MGAT4C: variants seen among roughly 807,000 people sequenced by gnomAD.
MGAT4C encodes MGAT4 family member C.
Under a neutral mutation model 40.1 loss-of-function variants are expected in MGAT4C, and 19 were observed. The ratio of observed to expected loss-of-function variants is 0.47; its 90% CI spans 0.33 to 0.70. The LOEUF (loss-of-function observed/expected upper bound fraction) is 0.70, where lower values mean the gene tolerates loss of function less well. MGAT4C is among the 30% of genes least tolerant of loss of function. The pLI, the probability that MGAT4C is intolerant of heterozygous loss-of-function variation, is 0.02. For missense variants in MGAT4C, 491 were observed against 563.2 expected, an observed-to-expected ratio of 0.87 and a Z score of 1.30; for synonymous variants, 181 against 187.1, an observed-to-expected ratio of 0.97 and a Z score of 0.27.
intron 4 of MGAT4C, among the ~76,000 whole-genome samples, chr12:86,323,656 A>C (rs2136164915): frequency 6.6e-6 from 1 of 152,058 alleles, no homozygotes; most frequent in East Asian, 1.9e-4. Context: ...GTAAATACAT[A>C]CATATATATA....
At chr12:86,500,376 G>A (rs569125913) in intron 2 of MGAT4C, among the ~76,000 whole-genome samples, 63 of 151,756 alleles carry the variant, frequency 4.2e-4, no homozygotes, top group African/African-American at 1.4e-3. Flanking sequence ...GCAAACATGA[G>A]AGCATACACT....
At chr12:86,537,742 A>T (rs1959099181) in intron 2 of MGAT4C, among the ~76,000 whole-genome samples, 2 of 152,114 alleles carry the variant, frequency 1.3e-5, no homozygotes, top group South Asian at 4.1e-4. Context: ...TTCTAGAGCC[A>T]TGTACATGAA....
Position 86,011,644 on chromosome 12 carries a change from A to AG in MGAT4C, c.-6-22093dup, listed in dbSNP as rs1321315278. On this transcript the variant is annotated intron_variant, in intron 2 of 4. Transcript: ENST00000611864. ...TCCTAGGTAGTAGGATAGGGCCAATAGGTAGCCATTTAAACTTATATTTTA... is the reference window on the plus strand; with the variant it reads ...TCCTAGGTAGTAGGATAGGGCCAATAGGGTAGCCATTTAAACTTATATTTTA... Among the ~76,000 whole-genome samples, 3 of 152,352 alleles carry AG rather than the reference A, an allele frequency of 2.0e-5. No individual in the cohort carries two copies. The East Asian group carries it at 5.8e-4, about 29-fold the overall frequency.
rs964135199 is a variant in MGAT4C, at chr12:86,266,643, T to A, written c.-57+67422A>T. On this transcript the variant is annotated intron_variant, in intron 4 of 7. Coordinates refer to the MGAT4C transcript ENST00000548651. ...TCTGGTTTTGGTATCAAGGTGATAA[T>A]GGCCTCCTAGAATGAGTTAGAAAAA... 2.6e-5 allele frequency among the ~76,000 whole-genome samples: 4 copies of A among 152,206 alleles called. No homozygotes were observed. In the East Asian group the frequency reaches 7.7e-4, roughly 29 times the overall value.
chr12:86,359,859 G>T (rs564443868), intron 3 of MGAT4C, among the ~76,000 whole-genome samples: 5 of 152,178 alleles, frequency 3.3e-5, no homozygotes, highest in African/African-American at 1.2e-4. Context: ...ACCAAAAAAC[G>T]TCCAGGACCA....
At chr12:86,630,274 CA>C (rs1361778180) in intron 2 of MGAT4C, among the ~76,000 whole-genome samples, 1 of 151,930 alleles carries the variant, frequency 6.6e-6, no homozygotes, top group Non-Finnish European at 1.5e-5. Context: ...GCCTACCAAC[CA>C]AAAAAAGTCC....
chr12:86,307,450 T>G (rs1249244917), intron 4 of MGAT4C, among the ~76,000 whole-genome samples: 1 of 150,378 alleles, frequency 6.6e-6, no homozygotes, highest in Non-Finnish European at 1.5e-5. Context: ...CCATTTAAAG[T>G]GATAATAAGA....
At chr12:86,437,069 G>A (rs1957150082) in intron 2 of MGAT4C, among the ~76,000 whole-genome samples, 3 of 151,488 alleles carry the variant, frequency 2.0e-5, no homozygotes, top group African/African-American at 7.3e-5. Context: ...TAGTGGCAGT[G>A]AGTTAATTTA....
chr12:86,612,777 C>T (rs1273240988), intron 2 of MGAT4C, among the ~76,000 whole-genome samples: 1 of 150,994 alleles, frequency 6.6e-6, no homozygotes, highest in Non-Finnish European at 1.5e-5. Context: ...TGTTACATAC[C>T]GCCCCTGCAC....
chr12:85,989,581 C>A (rs201266110), intron 2 of MGAT4C, 29 bp from the exon 3 acceptor site: 10 of 1,548,768 alleles, frequency 6.5e-6, no homozygotes, highest in Non-Finnish European at 8.7e-6. Context: ...GAATTACTAG[C>A]AGTTGGTTTT....
At chr12:86,545,166 T>C (rs1044910524) in intron 2 of MGAT4C, among the ~76,000 whole-genome samples, 5 of 152,020 alleles carry the variant, frequency 3.3e-5, no homozygotes, top group Admixed American at 6.6e-5. Flanking sequence ...TCTGGCATAT[T>C]AAAATGTAAA....
intron 2 of MGAT4C, among the ~76,000 whole-genome samples, chr12:86,690,534 CAGT>C (rs1224728782): frequency 2.6e-5 from 4 of 152,150 alleles, no homozygotes; most frequent in Non-Finnish European, 4.4e-5. Context: ...CTTCAAGGCA[CAGT>C]CCCTCAAGGG....
At chr12:86,088,205 C>T (rs1477159239) in intron 1 of MGAT4C, among the ~76,000 whole-genome samples, 1 of 151,996 alleles carries the variant, frequency 6.6e-6, no homozygotes, top group Non-Finnish European at 1.5e-5. Flanking sequence ...TTCCTTATAG[C>T]ATATACAGAA....
chr12:86,445,819 G>C (rs1296707398), intron 2 of MGAT4C, among the ~76,000 whole-genome samples: 1 of 152,028 alleles, frequency 6.6e-6, no homozygotes, highest in African/African-American at 2.4e-5. Context: ...ATTTATATAG[G>C]CTGCAAAAAT....
intron 1 of MGAT4C, among the ~76,000 whole-genome samples, chr12:86,168,954 T>C (rs1886493763): frequency 6.6e-6 from 1 of 152,156 alleles, no homozygotes. Flanking sequence ...TGTTCTTGAT[T>C]GTTTGTATCG....
rs575112272 is a variant in MGAT4C, at chr12:86,690,660, G to A, written c.-229+36549C>T. ...GGCTGCAGAAGTCCCAGTGAGATGA[G>A]CCGGGTACCTTAGTTGGAAATGCAG... is the stretch of plus-strand genomic sequence containing the variant. On this transcript the variant is annotated intron_variant, in intron 2 of 7. Transcript: ENST00000548651. 3.3e-5 allele frequency among the ~76,000 whole-genome samples: 5 copies of A among 152,220 alleles called. No individual in the cohort carries two copies. The South Asian group carries it at 1.0e-3, about 32-fold the overall frequency.
intron 1 of MGAT4C, among the ~76,000 whole-genome samples, chr12:86,090,631 A>C (rs2135567946): frequency 6.6e-6 from 1 of 152,028 alleles, no homozygotes; most frequent in Non-Finnish European, 1.5e-5. Context: ...CCAGAGTGAC[A>C]GGTTTAGTTC....
chr12:86,514,105 CACACA>C (rs1208221295), intron 2 of MGAT4C, among the ~76,000 whole-genome samples: 52 of 149,518 alleles, frequency 3.5e-4, no homozygotes, highest in African/African-American at 5.0e-4. Context: ...CACACACACA[CACACA>C]ACCCCGGCTT....
rs899552088 is a variant in MGAT4C at position 85,960,933 on chromosome 12, T to C, written c.*18356A>G. ...ACTACCCTTTACTTAAAATAAATCA[T>C]TGTATTCACATAACTTTCCAGGGCA... On this transcript the variant is annotated 3_prime_UTR_variant, in exon 5 of 5. Coordinates refer to ENST00000611864, the MANE Select transcript of MGAT4C (RefSeq NM_001351288.2). 1.3e-5 allele frequency: 2 copies of C among 152,102 alleles called. No individual in the cohort carries two copies. Among genetic ancestry groups the C allele is most frequent in the Non-Finnish European group, 2.9e-5 (2 of 67,852 alleles). The allele number at this position is 152,102 out of a possible 1,614,324, so 9.4% of individuals were successfully genotyped here.
Sources: allele counts gnomAD v4.1 joint callset (sites outside exome capture counted in the v4.1 genomes callset), GRCh38; gene constraint gnomAD v4.1.1; transcripts MANE v1.5; gene names NCBI Gene and HGNC (gene_info 2026-07-23, HGNC 2026-07-21).